The following FAM222B variants were observed in gnomAD, a reference collection of about 807,000 sequenced individuals.
FAM222B encodes the protein protein FAM222B.
In FAM222B, 12 loss-of-function variants were observed where a neutral mutation model predicts 38.0. That is an observed-to-expected ratio of 0.32 (90% CI 0.20 to 0.51). The LOEUF is 0.51. FAM222B is among the 20% of genes least tolerant of loss of function. The probability of loss-of-function intolerance (pLI) is 0.97; values close to 1 mark genes in which losing one functional copy is unlikely to be tolerated. For missense variants in FAM222B, 716 were observed against 754.2 expected (o/e 0.95, Z 0.59); for synonymous variants, 329 against 317.2 (o/e 1.04, Z -0.40).
upstream of FAM222B, among the ~76,000 whole-genome samples, chr17:28,847,625 A>G (rs1017356331): frequency 2.0e-5 from 3 of 151,060 alleles, no homozygotes; most frequent in Non-Finnish European, 4.4e-5. Flanking sequence ...TTAAATAAAG[A>G]AAAACAAGGC....
intron 1 of FAM222B, among the ~76,000 whole-genome samples, chr17:28,772,927 TGGCAAAGA>T (rs1394306477): frequency 1.3e-5 from 2 of 151,982 alleles, no homozygotes; most frequent in African/African-American, 4.8e-5. Flanking sequence ...AGCTAAACTA[TGGCAAAGA>T]GGCATTAATG....
At chr17:28,766,498 G>T (rs1010022537) in intron 2 of FAM222B, 88 bp downstream of exon 2, 4 of 1,032,350 alleles carry the variant, frequency 3.9e-6, no homozygotes, top group Non-Finnish European at 5.8e-6. Context: ...TTCAAGGTCA[G>T]TGTACCCCAG....
intron 1 of FAM222B, among the ~76,000 whole-genome samples, chr17:28,768,170 T>C (rs2035430794): frequency 6.6e-6 from 1 of 152,204 alleles, no homozygotes; most frequent in Non-Finnish European, 1.5e-5. Flanking sequence ...TTTTCCCATA[T>C]TTCAGAAACC....
At chr17:28,785,996 G>C (rs532860310) in intron 1 of FAM222B, among the ~76,000 whole-genome samples, 1 of 151,736 alleles carries the variant, frequency 6.6e-6, no homozygotes, top group East Asian at 1.9e-4. Flanking sequence ...ACCACACCCA[G>C]CTAATTTTTG....
chr17:28,783,659 A>G (rs556088703), intron 1 of FAM222B, among the ~76,000 whole-genome samples: 1 of 152,050 alleles, frequency 6.6e-6, no homozygotes, highest in East Asian at 1.9e-4. Flanking sequence ...ACAGGCACGC[A>G]CCAGTGCATC....
chr17:28,838,191 G>C (rs942032252), intron 1 of FAM222B, among the ~76,000 whole-genome samples: 2 of 152,124 alleles, frequency 1.3e-5, no homozygotes, highest in Non-Finnish European at 2.9e-5. Context: ...CTTGAAGCAG[G>C]AGAACTGCTT....
intron 1 of FAM222B, among the ~76,000 whole-genome samples, chr17:28,830,256 G>C (rs914199704): frequency 2.0e-5 from 3 of 150,462 alleles, no homozygotes; most frequent in African/African-American, 4.9e-5. Context: ...CCGCCTCCCA[G>C]GTTTACGCCA....
At chr17:28,837,755 C>T (rs1409778707) in intron 1 of FAM222B, among the ~76,000 whole-genome samples, 2 of 151,716 alleles carry the variant, frequency 1.3e-5, no homozygotes, top group African/African-American at 4.8e-5. Flanking sequence ...TGGATTCAAG[C>T]GATTCTCCCG....
chr17:28,808,333 G>A (rs1020884004), intron 1 of FAM222B, among the ~76,000 whole-genome samples: 3 of 152,208 alleles, frequency 2.0e-5, no homozygotes, highest in African/African-American at 7.2e-5. Context: ...CCTGGATGAA[G>A]AGAGAACCAT....
chr17:28,801,603 CTAT>C (rs561441690), intron 1 of FAM222B, among the ~76,000 whole-genome samples: 4 of 151,810 alleles, frequency 2.6e-5, no homozygotes, highest in South Asian at 2.1e-4. Context: ...CAGCACTTTA[CTAT>C]TATTATTATT....
At chr17:28,806,635 T>G (rs2037509594) in intron 1 of FAM222B, among the ~76,000 whole-genome samples, 1 of 152,156 alleles carries the variant, frequency 6.6e-6, no homozygotes, top group Admixed American at 6.5e-5. Flanking sequence ...GTTGGTCTTT[T>G]CTTAACAACT....
intron 1 of FAM222B, among the ~76,000 whole-genome samples, chr17:28,798,209 A>C (rs2037035227): frequency 6.6e-6 from 1 of 151,972 alleles, no homozygotes; most frequent in South Asian, 2.1e-4. Flanking sequence ...TGGCAAGAGC[A>C]AAACCTACTA....
At position 28,783,514 on chromosome 17, in the gene FAM222B, A is replaced by AT. The variant is rs780468798; in HGVS notation, c.-40-16808dup. 2.8e-3 allele frequency among the ~76,000 whole-genome samples: 274 copies of AT among 97,232 alleles called. 1 individual carries two copies. The highest frequency in any genetic ancestry group is 7.0e-3 in the East Asian group (23 of 3,274). 63.8% of individuals were successfully genotyped at this position (97,232 alleles called of 152,430 possible). A position where few individuals can be genotyped will look rare whatever the true frequency, so the allele number is the denominator to read the frequency against. ...ATAAAATGTACCCTACCTTCATGAGATTTTTTTTTTTTTTTTTAAACAAAG... is the reference window on the plus strand; with the variant it reads ...ATAAAATGTACCCTACCTTCATGAGATTTTTTTTTTTTTTTTTTAAACAAAG... On this transcript the variant is annotated intron_variant, in intron 1 of 2. Coordinates refer to ENST00000581407, the MANE Select transcript of FAM222B (RefSeq NM_001077498.3).
intron 1 of FAM222B, chr17:28,802,331 C>T (rs1221833208): frequency 6.6e-6 from 1 of 151,710 alleles, no homozygotes; most frequent in South Asian, 2.1e-4. Context: ...CTCCTGACCT[C>T]AAGTGATCCA....
At position 28,757,615 on chromosome 17, in the gene FAM222B, T is replaced by TC. The variant is rs1025535501; in HGVS notation, c.*654dup. The TC allele has an allele frequency of 1.3e-5, 2 of 151,952 alleles. No individual in the cohort carries two copies. Among genetic ancestry groups the TC allele is most frequent in the Non-Finnish European group, 2.9e-5 (2 of 67,982 alleles). 9.4% of individuals were successfully genotyped at this position (151,952 alleles called of 1,614,324 possible). On this transcript the variant is annotated 3_prime_UTR_variant, in exon 3 of 3. Transcript: ENST00000581407. ...CCAAGATGCCAATACAAAGACTTTT[T>TC]CCCCCCATATCTCAAGAAATGGTCA...
chr17:28,758,890 G>T lies in FAM222B; in HGVS notation c.1069C>A (p.Pro357Thr), dbSNP rs776112666. 1.2e-6 allele frequency: 2 copies of T among 1,609,104 alleles called. No individual in the cohort carries two copies. Among genetic ancestry groups the T allele is most frequent in the Non-Finnish European group, 1.7e-6 (2 of 1,178,248 alleles). The change falls in exon 3 of 3, where the codon CCT (proline) becomes ACT (threonine). Residue 357 changes from proline (P) to threonine (T), a missense_variant. Coordinates refer to ENST00000581407, the MANE Select transcript of FAM222B (RefSeq NM_001077498.3). The part of the protein sequence containing the change: ...TGISRVPTGY[P>T]SDLKPVTWNQ... Reference sequence around the variant, plus strand: ...CAGGTGACTGGCTTGAGGTCGCTAGGGTAGCCAGTGGGGACGCGAGAGATG... The same window carrying T: ...CAGGTGACTGGCTTGAGGTCGCTAGTGTAGCCAGTGGGGACGCGAGAGATG...
chr17:28,769,001 TG>T (rs2035479023), intron 1 of FAM222B, among the ~76,000 whole-genome samples: 1 of 151,930 alleles, frequency 6.6e-6, no homozygotes, highest in Non-Finnish European at 1.5e-5. Flanking sequence ...ATGGGCTGTA[TG>T]AGGGGCTTTA....
rs140248164 is a variant in FAM222B, at chr17:28,854,778, A to G, written c.-41+172T>C. On this transcript the variant is annotated intron_variant, in intron 1 of 2. Transcript: ENST00000577513. ...CATGGCCAGAAGGGCCGTTTACAAA[A>G]CTTTGGCAGAAGAAAAAAATACGTT... Among the ~76,000 whole-genome samples, 1,313 of 152,292 alleles carry G rather than the reference A, an allele frequency of 8.6e-3. 8 individuals carry two copies. The highest frequency in any genetic ancestry group is 0.014 in the Non-Finnish European group (970 of 68,020).
intron 1 of FAM222B, among the ~76,000 whole-genome samples, chr17:28,784,660 C>T (rs1475675266): frequency 1.3e-5 from 2 of 152,006 alleles, no homozygotes; most frequent in African/African-American, 2.4e-5. Context: ...GAAACCCCGT[C>T]TCTACTAAAA....
Sources: gnomAD v4.1 joint callset for allele counts (sites outside exome capture counted in the v4.1 genomes callset) on GRCh38, gnomAD v4.1.1 for gene constraint, MANE v1.5 for transcripts, NCBI Gene and HGNC (gene_info 2026-07-23, HGNC 2026-07-21) for gene names.